Variants in SEZ6L observed in about 807,000 individuals in gnomAD.
The protein encoded by SEZ6L is seizure related 6 homolog like.
In SEZ6L, 37 loss-of-function variants were observed where a neutral mutation model predicts 106.2. The observed-to-expected ratio is 0.35, with a 90% CI of 0.27 to 0.46. SEZ6L has a LOEUF of 0.46. SEZ6L is among the 20% of genes least tolerant of loss of function. The probability of loss-of-function intolerance (pLI) is 1.00; values close to 1 mark genes in which losing one functional copy is unlikely to be tolerated. For synonymous variants in SEZ6L, 541 were observed against 570.4 expected (o/e 0.95, Z 0.73); for missense variants, 1,172 against 1,332.8 (o/e 0.88, Z 1.88).
At chr22:26,236,212 G>A (rs1010623357) in intron 1 of SEZ6L, among the ~76,000 whole-genome samples, 24 of 152,238 alleles carry the variant, frequency 1.6e-4, no homozygotes, top group African/African-American at 5.8e-4. Flanking sequence ...TGCCTTTGGA[G>A]TTTGAGGGCA....
chr22:26,180,779 T>G (rs1939338691), intron 1 of SEZ6L, among the ~76,000 whole-genome samples: 1 of 152,226 alleles, frequency 6.6e-6, no homozygotes, highest in South Asian at 2.1e-4. Flanking sequence ...TCTGGAATGA[T>G]GACAGTGGAT....
At chr22:26,319,172 C>G (rs543525370) in intron 9 of SEZ6L, among the ~76,000 whole-genome samples, 8 of 152,308 alleles carry the variant, frequency 5.3e-5, no homozygotes, top group African/African-American at 1.7e-4. Context: ...CAGGAAATTC[C>G]ATTGCTTCTA....
chr22:26,191,955 T>C (rs1940248551), intron 1 of SEZ6L, among the ~76,000 whole-genome samples: 1 of 151,684 alleles, frequency 6.6e-6, no homozygotes, highest in African/African-American at 2.4e-5. Flanking sequence ...ACTAACTCAC[T>C]GAATGATATT....
chr22:26,319,568 T>G (rs940741309), intron 9 of SEZ6L, among the ~76,000 whole-genome samples: 1 of 152,234 alleles, frequency 6.6e-6, no homozygotes, highest in African/African-American at 2.4e-5. Context: ...GCCTTTGCAC[T>G]GCTGTCTCCC....
intron 1 of SEZ6L, among the ~76,000 whole-genome samples, chr22:26,206,010 A>AGCCT (rs1477283322): frequency 5.9e-5 from 9 of 152,092 alleles, no homozygotes; most frequent in Admixed American, 2.0e-4. Context: ...CCCCTAAAAG[A>AGCCT]GCCTGCAATG....
rs2081489742 is a variant in SEZ6L, at chr22:26,302,571, A to G, written c.1348+3402A>G. Among the ~76,000 whole-genome samples, 3 of 152,354 alleles carry G rather than the reference A, an allele frequency of 2.0e-5. No homozygotes were observed. The South Asian group carries it at 6.2e-4, about 32-fold the overall frequency. ...TAGCCAAGTGGAGCTCAAAAAGGAA[A>G]TGAGAGCTAATGATAAATTCTGAGA... On this transcript the variant is annotated intron_variant, in intron 5 of 16. Transcript: ENST00000248933.
chr22:26,351,062 C>T lies in SEZ6L; in HGVS notation c.2418C>T (p.Cys806=), dbSNP rs371793077. The part of the protein sequence containing the change: ...DPPFCEKIMY[C]TDPGEVDHST... Reference sequence around the variant, plus strand: ...TTTCATCCCGTGTAGTTATGTACTGCACCGACCCCGGAGAGGTGGATCACT... The same window carrying T: ...TTTCATCCCGTGTAGTTATGTACTGTACCGACCCCGGAGAGGTGGATCACT... The change falls in exon 12 of 17, where the codon TGC becomes TGT. Residue 806 remains cysteine, a synonymous_variant. Transcript: ENST00000248933. 8.1e-6 allele frequency: 13 copies of T among 1,613,394 alleles called. No homozygotes were observed. The African/African-American group carries it at 1.3e-4, about 17-fold the overall frequency.
intron 1 of SEZ6L, among the ~76,000 whole-genome samples, chr22:26,253,700 G>T (rs910143099): frequency 6.6e-6 from 1 of 152,062 alleles, no homozygotes; most frequent in African/African-American, 2.4e-5. Flanking sequence ...TCTCAATGAG[G>T]GCAATGTTGC....
chr22:26,316,269 G>T (rs2081994020), intron 9 of SEZ6L, among the ~76,000 whole-genome samples: 1 of 152,150 alleles, frequency 6.6e-6, no homozygotes, highest in Non-Finnish European at 1.5e-5. Flanking sequence ...AGAATGGAAT[G>T]GATTGTCTCT....
At chr22:26,317,998 G>A (rs6519647) in intron 9 of SEZ6L, among the ~76,000 whole-genome samples, 2 of 151,854 alleles carry the variant, frequency 1.3e-5, no homozygotes, top group African/African-American at 4.8e-5. Flanking sequence ...TGGAGGGGAG[G>A]GGTCTGCGAT....
intron 1 of SEZ6L, among the ~76,000 whole-genome samples, chr22:26,267,288 C>T (rs2080220835): frequency 6.6e-6 from 1 of 152,182 alleles, no homozygotes; most frequent in Non-Finnish European, 1.5e-5. Context: ...CCAAGCTTGG[C>T]TGTCACTGCC....
chr22:26,255,394 T>C (rs964781365), intron 1 of SEZ6L, among the ~76,000 whole-genome samples: 1 of 152,220 alleles, frequency 6.6e-6, no homozygotes, highest in Admixed American at 6.5e-5. Flanking sequence ...TCCCCTCTGC[T>C]GTGTAAACAT....
chr22:26,357,530 G>A (rs2083477920), intron 12 of SEZ6L, among the ~76,000 whole-genome samples: 2 of 152,280 alleles, frequency 1.3e-5, no homozygotes, highest in South Asian at 4.1e-4. Flanking sequence ...AATTCCCATG[G>A]AACCTACAGT....
At chr22:26,359,386 G>A (rs1288204302) in intron 12 of SEZ6L, among the ~76,000 whole-genome samples, 1 of 152,168 alleles carries the variant, frequency 6.6e-6, no homozygotes, top group Non-Finnish European at 1.5e-5. Flanking sequence ...GCTGCATGGT[G>A]CAGTGGTTAA....
intron 1 of SEZ6L, among the ~76,000 whole-genome samples, chr22:26,277,557 G>T (rs1383588487): frequency 6.6e-6 from 1 of 152,182 alleles, no homozygotes; most frequent in Non-Finnish European, 1.5e-5. Flanking sequence ...CATGTTCTTT[G>T]CTTGTAAGTC....
chr22:26,346,202 G>T (rs1395626292), intron 10 of SEZ6L, among the ~76,000 whole-genome samples: 1 of 151,200 alleles, frequency 6.6e-6, no homozygotes, highest in Non-Finnish European at 1.5e-5. Context: ...TCATTTTTTT[G>T]GTTTTATTAT....
intron 11 of SEZ6L, 32 bp downstream of exon 11, chr22:26,347,945 C>T (rs763618224): frequency 1.3e-6 from 2 of 1,508,204 alleles, no homozygotes; most frequent in African/African-American, 1.4e-5. Flanking sequence ...TCCTCTAGGT[C>T]CCTGGGTGGC....
At chr22:26,237,534 G>A (rs1262131130) in intron 1 of SEZ6L, among the ~76,000 whole-genome samples, 1 of 152,216 alleles carries the variant, frequency 6.6e-6, no homozygotes, top group East Asian at 1.9e-4. Flanking sequence ...GTTGTTAGGA[G>A]GATGAAGTGA....
At position 26,219,251 on chromosome 22, in the gene SEZ6L, C is replaced by G. The variant is rs555112289; in HGVS notation, c.94+49488C>G. Among the ~76,000 whole-genome samples, 472 of 58,182 alleles carry G rather than the reference C, an allele frequency of 8.1e-3. 6 individuals carry two copies. The highest frequency in any genetic ancestry group is 0.023 in the African/African-American group (457 of 20,098). 38.2% of individuals were successfully genotyped at this position (58,182 alleles called of 152,430 possible). ...GGTCATAGAAGATGTTCGAGAAATA[C>G]AAGTTTTTTTTTTTTTTTTCGCTCC... On this transcript the variant is annotated intron_variant, in intron 1 of 16. Coordinates refer to ENST00000248933, the MANE Select transcript of SEZ6L (RefSeq NM_021115.5).
Sources: allele counts gnomAD v4.1 joint callset (sites outside exome capture counted in the v4.1 genomes callset), GRCh38; gene constraint gnomAD v4.1.1; transcripts MANE v1.5; gene names NCBI Gene and HGNC (gene_info 2026-07-23, HGNC 2026-07-21).